Variants in SMARCC1 observed in about 807,000 individuals in gnomAD.
SMARCC1 encodes the protein SWI/SNF related BAF chromatin remodeling complex subunit C1, also known as SWI/SNF complex subunit SMARCC1.
A neutral mutation model predicts 147.4 loss-of-function variants in SMARCC1; 43 were observed. The observed-to-expected ratio is 0.29, with a 90% confidence interval of 0.23 to 0.38. The LOEUF (loss-of-function observed/expected upper bound fraction) is 0.38, where lower values mean the gene tolerates loss of function less well. SMARCC1 is among the 10% of genes least tolerant of loss of function. SMARCC1 has a pLI of 1.00. For synonymous variants in SMARCC1, 495 were observed against 484.4 expected, an observed-to-expected ratio of 1.02 and a Z score of -0.29; for missense variants, 1,119 against 1,381.1, an observed-to-expected ratio of 0.81 and a Z score of 3.01.
chr3:47,720,552 A>G, intron 7 of SMARCC1, 114 bp downstream of exon 7: 1 of 767,202 alleles, frequency 1.3e-6, no homozygotes, highest in South Asian at 1.7e-5. Flanking sequence ...AAGTGAGAAA[A>G]ATGACTAAAC....
In SMARCC1 at chr3:47,680,450, T is replaced by TG; in HGVS notation, c.1443dup (p.Lys482GlnfsTer15). ...CACTGGCCTCACATTTCTGGAGTCT[T>TG]GGATTTGTTTTTTCCATTGAAGAAC... On this transcript the variant is annotated frameshift_variant, in exon 15 of 28. Transcript: ENST00000254480. LOFTEE classifies it high-confidence loss of function. The TG allele has an allele frequency of 6.2e-7, 1 of 1,610,810 alleles. No homozygotes were observed. Among genetic ancestry groups the TG allele is most frequent in the Non-Finnish European group, 8.5e-7 (1 of 1,177,666 alleles).
intron 25 of SMARCC1, among the ~76,000 whole-genome samples, chr3:47,617,852 T>C (rs992915602): frequency 3.9e-5 from 6 of 152,184 alleles, no homozygotes; most frequent in African/African-American, 1.4e-4. Flanking sequence ...CCAAAGTTGG[T>C]CTGTGACCAA....
rs191899332 is a variant in SMARCC1 at position 47,586,344 on chromosome 3, T to C, written c.*1865A>G. On this transcript the variant is annotated 3_prime_UTR_variant, in exon 28 of 28. Transcript: ENST00000254480. ...TCCTTTGGGAAAGACTGGCAGGAAG[T>C]AGGTAAAACCCTGGCCATTGTCAAA... 6.6e-6 allele frequency: 1 copy of C among 152,176 alleles called. No homozygotes were observed. The highest frequency in any genetic ancestry group is 1.9e-4 in the East Asian group (1 of 5,192). The allele number at this position is 152,176 out of a possible 1,614,324, so 9.4% of individuals were successfully genotyped here.
At chr3:47,771,557 C>G (rs2034914494) in intron 2 of SMARCC1, among the ~76,000 whole-genome samples, 1 of 151,660 alleles carries the variant, frequency 6.6e-6, no homozygotes, top group African/African-American at 2.4e-5. Flanking sequence ...GGGGCCAACA[C>G]AGTGAAACCC....
chr3:47,714,601 T>G (rs1457508552), intron 7 of SMARCC1, 111 bp from the exon 8 acceptor site: 6 of 620,834 alleles, frequency 9.7e-6, no homozygotes, highest in Non-Finnish European at 1.7e-5. Context: ...AATCCCAGCC[T>G]GGTCAACATG....
chr3:47,781,747 C>A lies in SMARCC1; in HGVS notation c.51G>T (p.Thr17=). 1 of 1,539,034 alleles carries A rather than the reference C, an allele frequency of 6.5e-7. No homozygotes were observed. The highest frequency in any genetic ancestry group is 2.7e-5 in the East Asian group (1 of 36,460). The part of the protein sequence containing the change: ...GGGPGTAVGA[T]GSGIAAAAAG... ...CGGCTGCCGCCGCAATCCCCGAGCC[C>A]GTGGCGCCTACCGCTGTCCCCGGCC... Residue 17 remains threonine (T), a synonymous_variant, in exon 1 of 28, where the codon ACG becomes ACT. Transcript: ENST00000254480.
At position 47,657,266 on chromosome 3, in the gene SMARCC1, A is replaced by G. The variant is rs1014625797; in HGVS notation, c.2320+4028T>C. ...CAACCCTATCCAATAAGAGCAGAAAACATATTTTTCTCAAATGCACAAAGA... is the reference window on the plus strand; with the variant it reads ...CAACCCTATCCAATAAGAGCAGAAAGCATATTTTTCTCAAATGCACAAAGA... On this transcript the variant is annotated intron_variant, in intron 21 of 27. Coordinates refer to ENST00000254480, the MANE Select transcript of SMARCC1 (RefSeq NM_003074.4). Among the ~76,000 whole-genome samples, 10 of 152,220 alleles carry G rather than the reference A, an allele frequency of 6.6e-5. No homozygotes were observed. The East Asian group carries it at 1.7e-3, about 26-fold the overall frequency.
At chr3:47,771,913 G>A (rs972395349) in intron 2 of SMARCC1, among the ~76,000 whole-genome samples, 1 of 151,552 alleles carries the variant, frequency 6.6e-6, no homozygotes. Flanking sequence ...GAAACCATGT[G>A]TCTACTAAAA....
At chr3:47,735,753 A>G (rs1469565826) in intron 5 of SMARCC1, among the ~76,000 whole-genome samples, 1 of 152,052 alleles carries the variant, frequency 6.6e-6, no homozygotes, top group Non-Finnish European at 1.5e-5. Flanking sequence ...GACTCTCTCA[A>G]CCACAACAAC....
intron 12 of SMARCC1, among the ~76,000 whole-genome samples, chr3:47,690,398 G>GA (rs1293185870): frequency 6.6e-6 from 1 of 152,198 alleles, no homozygotes; most frequent in African/African-American, 2.4e-5. Flanking sequence ...TGGTGTCTCT[G>GA]AAAAGGTGGC....
chr3:47,656,410 C>T (rs1422435692), intron 21 of SMARCC1, among the ~76,000 whole-genome samples: 1 of 152,180 alleles, frequency 6.6e-6, no homozygotes, highest in South Asian at 2.1e-4. Context: ...TCTAATAATA[C>T]CTGTTCTTCT....
chr3:47,733,971 G>T (rs764924631), intron 5 of SMARCC1, among the ~76,000 whole-genome samples: 1 of 149,440 alleles, frequency 6.7e-6, no homozygotes, highest in Non-Finnish European at 1.5e-5. Context: ...ATATATGTAC[G>T]TGTGTGTATA....
Position 47,781,627 on chromosome 3 carries a change from G to C in SMARCC1, c.171C>G (p.Val57=). Reference sequence around the variant, plus strand: ...CCTTCTTGTAGTGCTTGCCCAGCCAGACCCGCACCGAATCCAGCTGGGACA... The same window carrying C: ...CCTTCTTGTAGTGCTTGCCCAGCCACACCCGCACCGAATCCAGCTGGGACA... ...ETVSQLDSVR[V]WLGKHYKKYV... is the part of the protein sequence containing the mutation. Residue 57 remains valine, a synonymous_variant, in exon 1 of 28, where the codon GTC becomes GTG. Coordinates refer to ENST00000254480, the MANE Select transcript of SMARCC1 (RefSeq NM_003074.4). The C allele has an allele frequency of 6.4e-7, 1 of 1,554,204 alleles. No homozygotes were observed. Among genetic ancestry groups the C allele is most frequent in the Non-Finnish European group, 8.7e-7 (1 of 1,154,358 alleles).
At chr3:47,693,765 C>T (rs1368568688) in intron 11 of SMARCC1, among the ~76,000 whole-genome samples, 4 of 152,136 alleles carry the variant, frequency 2.6e-5, no homozygotes, top group African/African-American at 4.8e-5. Context: ...CAGGCTCAAG[C>T]GATCCTTTGA....
chr3:47,680,483 G>A lies in SMARCC1; in HGVS notation c.1411C>T (p.Leu471Phe). 1 of 1,600,042 alleles carries A rather than the reference G, an allele frequency of 6.2e-7. No homozygotes were observed. The highest frequency in any genetic ancestry group is 1.1e-5 in the South Asian group (1 of 90,770). The change falls in exon 15 of 28, where the codon CTT becomes TTT. Residue 471 changes from leucine (L) to phenylalanine (F), a missense_variant. Physicochemically the swap from Leu to Phe is conservative, Grantham distance 22. This residue lies in a region of SMARCC1 where 542 missense variants were observed against 611.8 expected (regional missense o/e 0.89). Transcript: ENST00000254480. ...NCIHVIERRALPEFFNGKNKS... is the reference protein window; with the variant it reads ...NCIHVIERRAFPEFFNGKNKS... Reference sequence around the variant, plus strand: ...TTTTTTCCATTGAAGAACTCAGGAAGAGCACGCCGTTCAATCACATGAATA... The same window carrying A: ...TTTTTTCCATTGAAGAACTCAGGAAAAGCACGCCGTTCAATCACATGAATA...
At chr3:47,758,761 G>A (rs554235771) in intron 2 of SMARCC1, among the ~76,000 whole-genome samples, 58 of 152,096 alleles carry the variant, frequency 3.8e-4, no homozygotes, top group Admixed American at 6.6e-4. Context: ...TTGGCCGGGC[G>A]CGGTGGCTCA....
intron 2 of SMARCC1, among the ~76,000 whole-genome samples, chr3:47,770,531 A>G (rs2034900397): frequency 6.6e-6 from 1 of 152,046 alleles, no homozygotes; most frequent in African/African-American, 2.4e-5. Context: ...GCTGAGGTAC[A>G]AGACTCACTT....
At chr3:47,649,937 G>A (rs1211951924) in intron 21 of SMARCC1, among the ~76,000 whole-genome samples, 1 of 152,086 alleles carries the variant, frequency 6.6e-6, no homozygotes, top group African/African-American at 2.4e-5. Flanking sequence ...AATACATGGT[G>A]GACTATTTAG....
chr3:47,692,525 T>A (rs2133601), intron 12 of SMARCC1, among the ~76,000 whole-genome samples: 1 of 152,160 alleles, frequency 6.6e-6, no homozygotes, highest in Non-Finnish European at 1.5e-5. Context: ...TCCTTAAAAC[T>A]CATATTCTTA....
Sources: allele counts gnomAD v4.1 joint callset (sites outside exome capture counted in the v4.1 genomes callset), GRCh38; gene constraint gnomAD v4.1.1; regional missense constraint gnomAD v4.1.1; transcripts MANE v1.5; gene names NCBI Gene and HGNC (gene_info 2026-07-23, HGNC 2026-07-21).